Variants in ZFP92 observed in about 807,000 individuals in gnomAD.
ZFP92 encodes ZFP92 zinc finger protein, also known as zinc finger protein 92 homolog.
A neutral mutation model predicts 7.6 loss-of-function variants in ZFP92; 2 were observed. The ratio of observed to expected loss-of-function variants is 0.26; its 90% CI spans 0.11 to 0.83. ZFP92 has a LOEUF of 0.83. ZFP92 is among the 40% of genes least tolerant of loss of function. ZFP92 has a pLI of 0.65. For missense variants in ZFP92, 324 were observed against 408.3 expected, an observed-to-expected ratio of 0.79 and a Z score of 1.78; for synonymous variants, 226 against 183.6, an observed-to-expected ratio of 1.23 and a Z score of -1.87.
Position 153,421,125 on chromosome X carries a change from G to A in ZFP92, c.748G>A (p.Ala250Thr). The change falls in exon 6 of 6, where the codon GCG (alanine) becomes ACG (threonine). Residue 250 changes from alanine (A) to threonine (T), a missense_variant. Physicochemically the swap from Ala to Thr is moderately conservative, Grantham distance 58. Coordinates refer to ENST00000338647, the MANE Select transcript of ZFP92 (RefSeq NM_001136273.2). ...CGGCAAACTGTTCCGCCGCAGCTTC[G>A]CGCTCCTGGAGCACGCGCGCGTGCA... The part of the protein sequence containing the change: ...DCGKLFRRSF[A>T]LLEHARVHSG... 2 of 1,171,591 alleles carry A rather than the reference G, an allele frequency of 1.7e-6. No individual in the cohort carries two copies. Among genetic ancestry groups the A allele is most frequent in the South Asian group, 1.9e-5 (1 of 53,280 alleles).
At chrX:153,414,991 G>A (rs1424524258) in intron 2 of ZFP92, among the ~76,000 whole-genome samples, 2 of 113,652 alleles carry the variant, frequency 1.8e-5, no homozygotes, top group African/African-American at 6.4e-5. Flanking sequence ...CCCGGGGACC[G>A]GGAAACAGCA....
intron 4 of ZFP92, 22 bp downstream of exon 4, chrX:153,418,821 T>C (rs943046873): frequency 6.0e-6 from 7 of 1,163,745 alleles, no homozygotes; most frequent in Non-Finnish European, 8.0e-6. Context: ...CTCCACGACA[T>C]ACACACACCC....
chrX:153,417,528 G>C (rs1334221350), intron 2 of ZFP92, among the ~76,000 whole-genome samples: 1 of 112,309 alleles, frequency 8.9e-6, no homozygotes, highest in Non-Finnish European at 1.9e-5. Flanking sequence ...ATCCCGACCT[G>C]AGGGAAGGGG....
At chrX:153,418,427 T>C in intron 3 of ZFP92, 72 bp downstream of exon 3, 1 of 1,122,903 alleles carries the variant, frequency 8.9e-7, no homozygotes, top group Non-Finnish European at 1.2e-6. Flanking sequence ...TGCCCAGGCC[T>C]CTCCAGCTGG....
At chrX:153,413,255 CT>C (rs2088923840) in intron 2 of ZFP92, among the ~76,000 whole-genome samples, 1 of 105,553 alleles carries the variant, frequency 9.5e-6, no homozygotes, top group African/African-American at 3.5e-5. Flanking sequence ...TGTGTGGGTT[CT>C]TTTTTCTTTT....
chrX:153,416,958 C>T (rs2088957063), intron 2 of ZFP92, among the ~76,000 whole-genome samples: 1 of 111,288 alleles, frequency 9.0e-6, no homozygotes, highest in Non-Finnish European at 1.9e-5. Context: ...TAACAATCAG[C>T]TCTCACAGAG....
rs782599915 is a variant in ZFP92 at position 153,423,949 on chromosome X, G to GCACT, written c.*2323_*2326dup. ...TGAACCAGGAAAGAAACAGATCCAC[G>GCACT]CACTCTGATACCCATTTCCGTTGTT... On this transcript the variant is annotated 3_prime_UTR_variant, in exon 6 of 6. Coordinates refer to ENST00000338647, the MANE Select transcript of ZFP92 (RefSeq NM_001136273.2). 3.5e-5 allele frequency: 4 copies of GCACT among 113,184 alleles called. No homozygotes were observed. Among genetic ancestry groups the GCACT allele is most frequent in the African/African-American group, 9.6e-5 (3 of 31,205 alleles). 9.3% of individuals were successfully genotyped at this position (113,184 alleles called of 1,213,427 possible).
rs1399718202 is a variant in ZFP92, at chrX:153,422,974, C to A, written c.*1346C>A. ...CTTCTCCCTACAACGATGCAGTCCA[C>A]CCCTCTTCCCCTTAGCCCTGCAGAA... On this transcript the variant is annotated 3_prime_UTR_variant, in exon 6 of 6. Transcript: ENST00000338647. 1 of 112,517 alleles carries A rather than the reference C, an allele frequency of 8.9e-6. No individual in the cohort carries two copies. The highest frequency in any genetic ancestry group is 3.2e-5 in the African/African-American group (1 of 30,940). The allele number at this position is 112,517 out of a possible 1,213,427, so 9.3% of individuals were successfully genotyped here. A position where few individuals can be genotyped will look rare whatever the true frequency, so the allele number is the denominator to read the frequency against.
chrX:153,415,765 T>G (rs781954148), intron 2 of ZFP92, among the ~76,000 whole-genome samples: 92 of 111,448 alleles, frequency 8.3e-4, no homozygotes, highest in Non-Finnish European at 1.3e-3. Flanking sequence ...GGTTTTAAAG[T>G]AAGTTGCATG....
chrX:153,418,231 G>C (rs782263896), intron 2 of ZFP92, 74 bp from the exon 3 acceptor site: 9 of 1,089,008 alleles, frequency 8.3e-6, no homozygotes, highest in Middle Eastern at 4.8e-4. Context: ...ACTAAGCAGG[G>C]TCTTCAAGCA....
intron 3 of ZFP92, 132 bp downstream of exon 3, chrX:153,418,487 A>C: frequency 4.0e-6 from 4 of 988,333 alleles, no homozygotes; most frequent in Non-Finnish European, 5.5e-6. Flanking sequence ...GAGGCGCACA[A>C]TCTGGGCTTC....
At position 153,418,748 on chromosome X, in the gene ZFP92, G is replaced by A; in HGVS notation, c.109G>A (p.Val37Ile). 15 of 1,168,049 alleles carry A rather than the reference G, an allele frequency of 1.3e-5. No homozygotes were observed. Among genetic ancestry groups the A allele is most frequent in the Non-Finnish European group, 1.6e-5 (14 of 873,097 alleles). ...GAAGCTTCTGGACCTCAGACAAAAG[G>A]TCCTCTACAAGCGGGTGATGCTGGA... ...EWKLLDLRQK[V>I]LYKRVMLENY... The change falls in exon 4 of 6, where the codon GTC becomes ATC. Residue 37 changes from valine to isoleucine, a missense_variant. Val to Ile is a conservative substitution (Grantham distance 29). Transcript: ENST00000338647.
intron 2 of ZFP92, among the ~76,000 whole-genome samples, chrX:153,417,717 G>C (rs1203717548): frequency 5.3e-5 from 6 of 112,157 alleles, no homozygotes; most frequent in Non-Finnish European, 1.1e-4. Context: ...CTCAATTGCA[G>C]AGAGTGTCCT....
In ZFP92 at chrX:153,415,011, G is replaced by A. The variant is rs782441474; in HGVS notation, c.-19+2998G>A. On this transcript the variant is annotated intron_variant, in intron 2 of 5. Coordinates refer to ENST00000338647, the MANE Select transcript of ZFP92 (RefSeq NM_001136273.2). The stretch of plus-strand genomic sequence containing the variant: ...GGACCGGGAAACAGCAGCTGGGGCC[G>A]GAAGGGGCCAGCAGAGGCGGGTGGC... Among the ~76,000 whole-genome samples the A allele has an allele frequency of 7.0e-5, 8 of 113,541 alleles. No individual in the cohort carries two copies. The East Asian group carries it at 2.0e-3, about 28-fold the overall frequency.
intron 2 of ZFP92, among the ~76,000 whole-genome samples, 84 bp downstream of exon 2, chrX:153,412,097 G>A (rs1383715820): frequency 3.5e-5 from 4 of 112,899 alleles, no homozygotes; most frequent in East Asian, 5.6e-4. Flanking sequence ...CCCAGGCACC[G>A]GCCCTGAGGG....
Position 153,420,225 on chromosome X carries a change from C to T in ZFP92, c.161-3C>T, listed in dbSNP as rs1556974636. 1 of 1,165,347 alleles carries T rather than the reference C, an allele frequency of 8.6e-7. No individual in the cohort carries two copies. Among genetic ancestry groups the T allele is most frequent in the South Asian group, 1.9e-5 (1 of 52,325 alleles). On this transcript the variant is annotated splice_region_variant and splice_polypyrimidine_tract_variant and intron_variant, in intron 4 of 5. Coordinates refer to ENST00000338647, the MANE Select transcript of ZFP92 (RefSeq NM_001136273.2). ...CTTGACCTGCTTCATATTCCACGCC[C>T]AGGATTTTCCTTCTCCAAGCCTCAC...
Position 153,422,036 on chromosome X carries a change from G to A in ZFP92, c.*408G>A, listed in dbSNP as rs781963312. The A allele has an allele frequency of 6.3e-4, 73 of 116,452 alleles. No individual in the cohort carries two copies. Among genetic ancestry groups the A allele is most frequent in the Middle Eastern group, 8.7e-3 (2 of 231 alleles). The allele number at this position is 116,452 out of a possible 1,213,427, so 9.6% of individuals were successfully genotyped here. ...CATCCCTCGGATTTGCATCAGAATCGCCTGCTGCGGGTAGGGAGGAGGCCA... is the reference window on the plus strand; with the variant it reads ...CATCCCTCGGATTTGCATCAGAATCACCTGCTGCGGGTAGGGAGGAGGCCA... On this transcript the variant is annotated 3_prime_UTR_variant, in exon 6 of 6. Transcript: ENST00000338647.
chrX:153,418,021 G>T (rs1272400237), intron 2 of ZFP92, among the ~76,000 whole-genome samples: 1 of 112,093 alleles, frequency 8.9e-6, no homozygotes, highest in Non-Finnish European at 1.9e-5. Context: ...TGGAGCGGGG[G>T]CCTGCCAGCA....
intron 2 of ZFP92, among the ~76,000 whole-genome samples, chrX:153,415,528 G>A (rs1192255011): frequency 1.8e-5 from 2 of 111,395 alleles, no homozygotes; most frequent in African/African-American, 3.3e-5. Context: ...TCCACCTTTC[G>A]GCTCTAGTGA....
Sources: gnomAD v4.1 joint callset for allele counts (sites outside exome capture counted in the v4.1 genomes callset) on GRCh38, gnomAD v4.1.1 for gene constraint, MANE v1.5 for transcripts, NCBI Gene and HGNC (gene_info 2026-07-23, HGNC 2026-07-21) for gene names.